The following MECR variants were observed in gnomAD, a reference collection of about 807,000 sequenced individuals.
MECR encodes mitochondrial trans-2-enoyl-CoA reductase.
A neutral mutation model predicts 49.1 loss-of-function variants in MECR; 37 were observed. That is an observed-to-expected ratio of 0.75 (90% CI 0.58 to 0.99). The LOEUF (loss-of-function observed/expected upper bound fraction) is 0.99. Among genes scored for constraint, MECR ranks in the 50% least tolerant of loss-of-function variants. MECR has a pLI of 0.00. For synonymous variants in MECR, 198 were observed against 191.1 expected, an observed-to-expected ratio of 1.04 and a Z score of -0.30; for missense variants, 470 against 479.6, an observed-to-expected ratio of 0.98 and a Z score of 0.19.
intron 1 of MECR, chr1:29,224,215 C>G (rs544197279): frequency 6.6e-6 from 1 of 152,320 alleles, no homozygotes; most frequent in East Asian, 1.9e-4. Flanking sequence ...TGAGGACCAA[C>G]TCTTGGGGGC....
At chr1:29,181,013 TAAG>T in the MECR span, among the ~76,000 whole-genome samples, 2 of 152,180 alleles carry the variant, frequency 1.3e-5, no homozygotes, top group African/African-American at 2.4e-5. Context: ...GTCTTAAAGA[TAAG>T]AAGTTAAGAC....
At chr1:29,172,507 G>A in the MECR span, 1 of 152,142 alleles carries the variant, frequency 6.6e-6, no homozygotes, top group African/African-American at 2.4e-5. Flanking sequence ...GGTCAGGCTG[G>A]TCTCGAACTT....
chr1:29,227,025 G>A (rs1347152606), intron 1 of MECR, among the ~76,000 whole-genome samples: 1 of 145,286 alleles, frequency 6.9e-6, no homozygotes, highest in African/African-American at 2.5e-5. Flanking sequence ...GTGGTGTGGT[G>A]CAATCTCAGC....
chr1:29,198,695 C>T (rs1674603392), intron 7 of MECR, among the ~76,000 whole-genome samples: 1 of 152,340 alleles, frequency 6.6e-6, no homozygotes, highest in Middle Eastern at 3.4e-3. Context: ...TGGCTCACTG[C>T]AACCTCTACC....
chr1:29,187,888 T>C (rs1211175542), downstream of MECR, among the ~76,000 whole-genome samples: 4 of 148,252 alleles, frequency 2.7e-5, no homozygotes, highest in East Asian at 8.8e-4. Context: ...TACAAAAAAA[T>C]TAGCCAGGCG....
chr1:29,194,365 G>A (rs1673456849), intron 9 of MECR, among the ~76,000 whole-genome samples, 186 bp from the exon 10 acceptor site: 1 of 152,192 alleles, frequency 6.6e-6, no homozygotes, highest in South Asian at 2.1e-4. Flanking sequence ...GGACAGTGAG[G>A]TCAAGGTGGG....
At chr1:29,217,661 A>C (rs1441045780) in intron 1 of MECR, among the ~76,000 whole-genome samples, 1 of 152,182 alleles carries the variant, frequency 6.6e-6, no homozygotes, top group Non-Finnish European at 1.5e-5. Context: ...ACTAAGCCAG[A>C]ATCTCCAGAT....
At chr1:29,230,508 C>T (rs929404723) in intron 1 of MECR, 4 of 546,674 alleles carry the variant, frequency 7.3e-6, no homozygotes, top group African/African-American at 5.9e-5. Flanking sequence ...AATATTCGAT[C>T]AATAAACATC....
chr1:29,178,352 A>ACTT, the MECR span, among the ~76,000 whole-genome samples: 186 of 129,138 alleles, frequency 1.4e-3, 21 homozygotes, highest in Middle Eastern at 8.9e-3. Context: ...AGTTTCAATT[A>ACTT]CTTTTTTTTT....
chr1:29,199,417 C>T (rs543278272), intron 7 of MECR, among the ~76,000 whole-genome samples: 19 of 150,544 alleles, frequency 1.3e-4, no homozygotes, highest in South Asian at 8.5e-4. Flanking sequence ...TTAGTAGACA[C>T]GGGGTTTCAC....
At chr1:29,203,282 T>C (rs769434913) in intron 4 of MECR, 49 bp from the exon 5 acceptor site, 1 of 1,427,040 alleles carries the variant, frequency 7.0e-7, no homozygotes, top group Non-Finnish European at 9.6e-7. Context: ...AGATCTGCAA[T>C]AGGTCAAAGG....
At chr1:29,222,245 C>T (rs549404145) in intron 1 of MECR, among the ~76,000 whole-genome samples, 2 of 152,268 alleles carry the variant, frequency 1.3e-5, no homozygotes, top group East Asian at 3.9e-4. Context: ...AGGTGCGTGC[C>T]ACCACGCCTG....
Position 29,194,653 on chromosome 1 carries a change from C to T in MECR, c.965-474G>A, listed in dbSNP as rs146630496. On this transcript the variant is annotated intron_variant, in intron 9 of 9. Coordinates refer to ENST00000263702, the MANE Select transcript of MECR (RefSeq NM_016011.5). ...AGCCCAGGACTCCCTTAGAACCCCA[C>T]GACCGGACGCCACCAACATCCCCTT... 3.8e-3 allele frequency among the ~76,000 whole-genome samples: 572 copies of T among 152,302 alleles called. 6 individuals carry two copies. The highest frequency in any genetic ancestry group is 0.017 in the Middle Eastern group (5 of 294).
the MECR span, among the ~76,000 whole-genome samples, chr1:29,177,483 T>C: frequency 6.6e-6 from 1 of 152,262 alleles, no homozygotes; most frequent in East Asian, 1.9e-4. Flanking sequence ...GGTTTCTCCA[T>C]GTTGGTCAGG....
At chr1:29,223,260 C>T (rs1017485732) in intron 1 of MECR, 10 of 985,256 alleles carry the variant, frequency 1.0e-5, no homozygotes, top group African/African-American at 1.7e-5. Flanking sequence ...AGGCTGTACA[C>T]CTGTGATGCC....
At chr1:29,206,493 T>G (rs1676602761) in intron 4 of MECR, among the ~76,000 whole-genome samples, 2 of 152,166 alleles carry the variant, frequency 1.3e-5, no homozygotes, top group South Asian at 4.1e-4. Context: ...TCAACACATT[T>G]TTGCTGAATG....
At chr1:29,220,775 C>T (rs1049719193) in intron 1 of MECR, 6 of 405,880 alleles carry the variant, frequency 1.5e-5, no homozygotes, top group Non-Finnish European at 1.7e-5. Flanking sequence ...TGGGATAACA[C>T]GAGAACTCAG....
chr1:29,221,025 C>CA (rs1680637358), intron 1 of MECR: 14 of 536,400 alleles, frequency 2.6e-5, no homozygotes, highest in Non-Finnish European at 3.3e-5. Context: ...GTATCAGATA[C>CA]TGTGCCAAGG....
rs188970738 is a variant in MECR, at chr1:29,222,861, C to G, written c.177-6176G>C. 2.4e-3 allele frequency among the ~76,000 whole-genome samples: 358 copies of G among 152,306 alleles called. 10 individuals carry two copies. Among genetic ancestry groups the G allele is most frequent in the Admixed American group, 0.02 (312 of 15,298 alleles). On this transcript the variant is annotated intron_variant, in intron 1 of 9. Transcript: ENST00000263702. The stretch of plus-strand genomic sequence containing the variant: ...CTCTCACCAGGGAGGCCAGCCTTGG[C>G]CTGCCCCAGGGAATGCCATCAATAC...
Sources: allele counts gnomAD v4.1 joint callset (sites outside exome capture counted in the v4.1 genomes callset), GRCh38; gene constraint gnomAD v4.1.1; transcripts MANE v1.5; gene names NCBI Gene and HGNC (gene_info 2026-07-23, HGNC 2026-07-21).